The following GRIP1 variants were observed in gnomAD, a reference collection of about 807,000 sequenced individuals.
GRIP1 encodes glutamate receptor-interacting protein 1.
GRIP1 carries 45 observed loss-of-function variants against 129.9 expected under a neutral mutation model. That is an observed-to-expected ratio of 0.35 (90% CI 0.27 to 0.44). The LOEUF (loss-of-function observed/expected upper bound fraction) is 0.44. Among genes scored for constraint, GRIP1 ranks in the 20% least tolerant of loss-of-function variants. The pLI, the probability that GRIP1 is intolerant of heterozygous loss-of-function variation, is 1.00. For missense variants in GRIP1, 1,196 were observed against 1,396.8 expected, an observed-to-expected ratio of 0.86 and a Z score of 2.29; for synonymous variants, 530 against 520.8, an observed-to-expected ratio of 1.02 and a Z score of -0.24.
chr12:66,622,412 A>C (rs1161268550), intron 1 of GRIP1, among the ~76,000 whole-genome samples: 1 of 152,162 alleles, frequency 6.6e-6, no homozygotes, highest in Admixed American at 6.6e-5. Context: ...GCATTTAAAA[A>C]TAAGGAAATA....
At chr12:66,538,822 C>A (rs972817027) in intron 4 of GRIP1, among the ~76,000 whole-genome samples, 8 of 151,392 alleles carry the variant, frequency 5.3e-5, no homozygotes, top group Non-Finnish European at 8.8e-5. Context: ...AGGCTGGTCT[C>A]GAACCACTGG....
intron 14 of GRIP1, among the ~76,000 whole-genome samples, chr12:66,425,807 C>T (rs2057964407): frequency 6.6e-6 from 1 of 151,370 alleles, no homozygotes; most frequent in African/African-American, 2.4e-5. Flanking sequence ...GAACATCACA[C>T]ACCGGGGACA....
chr12:66,896,991 C>A (rs760594731), intron 1 of GRIP1, among the ~76,000 whole-genome samples: 1 of 152,206 alleles, frequency 6.6e-6, no homozygotes, highest in Non-Finnish European at 1.5e-5. Flanking sequence ...AGTGGTTACA[C>A]GTGCAGGCTC....
intron 2 of GRIP1, among the ~76,000 whole-genome samples, chr12:66,546,267 A>C (rs7971899): frequency 0.36 from 54,662 of 151,794 alleles, 10,054 homozygotes; most frequent in African/African-American, 0.41. Context: ...AGAGGGGAGA[A>C]TCATTTGAGA....
chr12:66,549,418 G>A (rs763375146), intron 2 of GRIP1, among the ~76,000 whole-genome samples: 20 of 152,034 alleles, frequency 1.3e-4, no homozygotes, highest in Non-Finnish European at 2.9e-5. Context: ...GAATACTATA[G>A]CTATATCTGT....
At chr12:66,633,716 G>A (rs1337986396) in intron 1 of GRIP1, among the ~76,000 whole-genome samples, 1 of 152,148 alleles carries the variant, frequency 6.6e-6, no homozygotes, top group Non-Finnish European at 1.5e-5. Flanking sequence ...AGAATTTGAA[G>A]TAGGAAACTA....
Position 66,578,231 on chromosome 12 carries a change from G to GTTTTTTTTTTTTTTT in GRIP1, c.136+18615_136+18616insAAAAAAAAAAAAAAA, listed in dbSNP as rs1462512737. Among the ~76,000 whole-genome samples, 92 of 31,484 alleles carry GTTTTTTTTTTTTTTT rather than the reference G, an allele frequency of 2.9e-3. 1 individual carries two copies. Among genetic ancestry groups the GTTTTTTTTTTTTTTT allele is most frequent in the Admixed American group, 4.7e-3 (11 of 2,318 alleles). 20.7% of individuals were successfully genotyped at this position (31,484 alleles called of 152,430 possible). ...AGCCTGACTAATATGGCAAAACCGC[G>GTTTTTTTTTTTTTTT]GTTTTTTTTTTTTTTTTTGTAAAAA... On this transcript the variant is annotated intron_variant, in intron 2 of 24. Coordinates refer to ENST00000359742, the MANE Select transcript of GRIP1 (RefSeq NM_001366722.1).
At chr12:66,645,729 T>C (rs994390954) in intron 1 of GRIP1, among the ~76,000 whole-genome samples, 12 of 152,188 alleles carry the variant, frequency 7.9e-5, no homozygotes, top group Non-Finnish European at 1.6e-4. Flanking sequence ...AAAAAAATCT[T>C]TTAGAGTATG....
intron 1 of GRIP1, among the ~76,000 whole-genome samples, chr12:66,944,647 G>A (rs2041637799): frequency 6.6e-6 from 1 of 152,020 alleles, no homozygotes; most frequent in Admixed American, 6.5e-5. Flanking sequence ...AAAACAGGAA[G>A]GTAACACATA....
chr12:66,846,808 C>T (rs904386275), intron 1 of GRIP1, among the ~76,000 whole-genome samples: 6 of 152,082 alleles, frequency 3.9e-5, no homozygotes, highest in Non-Finnish European at 8.8e-5. Context: ...GGGGAAACAC[C>T]TGGGTCAGCC....
chr12:66,529,411 G>A (rs542366861), intron 5 of GRIP1, among the ~76,000 whole-genome samples: 101 of 152,166 alleles, frequency 6.6e-4, no homozygotes, highest in South Asian at 4.0e-3. Flanking sequence ...ATCAACTAGT[G>A]GATAAAGAAA....
chr12:66,746,874 G>C (rs994023114), intron 1 of GRIP1, among the ~76,000 whole-genome samples: 1 of 152,172 alleles, frequency 6.6e-6, no homozygotes, highest in Non-Finnish European at 1.5e-5. Context: ...AGCTGGGAAG[G>C]CTTCCAGGTA....
intron 1 of GRIP1, among the ~76,000 whole-genome samples, chr12:66,677,068 A>G (rs1374872420): frequency 6.6e-6 from 1 of 152,224 alleles, no homozygotes. Flanking sequence ...TTTAATCATC[A>G]ACTGACAGTC....
At chr12:66,531,850 A>G (rs1049904573) in intron 4 of GRIP1, among the ~76,000 whole-genome samples, 1 of 152,152 alleles carries the variant, frequency 6.6e-6, no homozygotes, top group Non-Finnish European at 1.5e-5. Context: ...GAAAGAAATA[A>G]TTAATAAGAA....
intron 7 of GRIP1, among the ~76,000 whole-genome samples, chr12:66,469,728 C>A (rs1220659825): frequency 1.3e-5 from 2 of 152,202 alleles, no homozygotes; most frequent in Non-Finnish European, 2.9e-5. Context: ...TGAGCTCAGT[C>A]TTGTATTCTC....
At chr12:66,704,208 G>C (rs2035450370) in intron 1 of GRIP1, among the ~76,000 whole-genome samples, 1 of 151,640 alleles carries the variant, frequency 6.6e-6, no homozygotes, top group Admixed American at 6.6e-5. Flanking sequence ...TAAACCAAAA[G>C]AACATAAAAT....
At chr12:66,875,980 T>C (rs946269042) in intron 1 of GRIP1, among the ~76,000 whole-genome samples, 1 of 152,084 alleles carries the variant, frequency 6.6e-6, no homozygotes, top group African/African-American at 2.4e-5. Context: ...CCTGTACCAA[T>C]GTAAAAAGGA....
At chr12:67,033,835 TA>T (rs1311220647) in intron 1 of GRIP1, among the ~76,000 whole-genome samples, 1 of 152,202 alleles carries the variant, frequency 6.6e-6, no homozygotes, top group East Asian at 1.9e-4. Context: ...TTAATATATG[TA>T]AAAATATCAG....
At position 66,896,935 on chromosome 12, in the gene GRIP1, C is replaced by G. The variant is rs145372186; in HGVS notation, c.58+172115G>C. ...ATTTTCCAGACACTCTTCCGAAGAC[C>G]TGTTCCGAAGGCAACACGAAGCTGC... On this transcript the variant is annotated intron_variant, in intron 1 of 1. Transcript: ENST00000643019. Among the ~76,000 whole-genome samples, 125 of 152,322 alleles carry G rather than the reference C, an allele frequency of 8.2e-4. 1 individual carries two copies. The East Asian group carries it at 0.022, about 27-fold the overall frequency.
Sources: allele counts gnomAD v4.1 joint callset (sites outside exome capture counted in the v4.1 genomes callset), GRCh38; gene constraint gnomAD v4.1.1; transcripts MANE v1.5; gene names NCBI Gene and HGNC (gene_info 2026-07-23, HGNC 2026-07-21).